AVEN: variants seen among roughly 807,000 people sequenced by gnomAD.
The protein encoded by AVEN is cell death regulator Aven.
Under a neutral mutation model 38.1 loss-of-function variants are expected in AVEN, and 41 were observed. The observed-to-expected ratio is 1.08, with a 90% CI of 0.84 to 1.40. AVEN has a LOEUF of 1.40. AVEN is among the 40% of genes most tolerant of loss of function. The pLI, the probability that AVEN is intolerant of heterozygous loss-of-function variation, is 0.00. For synonymous variants in AVEN, 206 were observed against 171.8 expected, an observed-to-expected ratio of 1.20 and a Z score of -1.56; for missense variants, 605 against 438.8, an observed-to-expected ratio of 1.38 and a Z score of -3.38.
intron 2 of AVEN, among the ~76,000 whole-genome samples, chr15:33,893,184 T>C (rs526148): frequency 0.82 from 124,676 of 152,138 alleles, 55,185 homozygotes; most frequent in Non-Finnish European, 0.98. Context: ...ATTTGACTTC[T>C]TCTTTTCCTA....
chr15:33,944,669 C>T (rs1416226102), intron 2 of AVEN, among the ~76,000 whole-genome samples: 6 of 151,932 alleles, frequency 3.9e-5, no homozygotes, highest in Non-Finnish European at 8.8e-5. Flanking sequence ...ATTAGCCGGG[C>T]GTGGTGGCCG....
chr15:33,863,523 A>C (rs972634902), downstream of AVEN, among the ~76,000 whole-genome samples: 2 of 152,284 alleles, frequency 1.3e-5, no homozygotes, highest in Non-Finnish European at 2.9e-5. Flanking sequence ...GGTCTCTGAG[A>C]TCATATAATG....
chr15:33,881,278 G>T (rs1027756339), intron 2 of AVEN, among the ~76,000 whole-genome samples: 14 of 152,134 alleles, frequency 9.2e-5, no homozygotes, highest in Middle Eastern at 3.4e-3. Context: ...TAGAGATGGG[G>T]TATTGCTATA....
chr15:33,864,527 G>C (rs929456144), downstream of AVEN, among the ~76,000 whole-genome samples: 6 of 152,196 alleles, frequency 3.9e-5, no homozygotes, highest in Non-Finnish European at 7.3e-5. Flanking sequence ...GAGTACAACG[G>C]AGTGAGAGAC....
chr15:33,874,644 T>C (rs1891145248), intron 3 of AVEN, among the ~76,000 whole-genome samples: 1 of 152,244 alleles, frequency 6.6e-6, no homozygotes, highest in Admixed American at 6.5e-5. Context: ...GCATCTACCA[T>C]ACTACAGACT....
chr15:33,889,268 C>A (rs1190030282), intron 2 of AVEN, among the ~76,000 whole-genome samples: 1 of 152,132 alleles, frequency 6.6e-6, no homozygotes, highest in Non-Finnish European at 1.5e-5. Context: ...AACTCTAAAA[C>A]CACATTATTC....
At chr15:33,852,817 C>A in the AVEN span, 1 of 446,714 alleles carries the variant, frequency 2.2e-6, no homozygotes, top group South Asian at 2.9e-5. Flanking sequence ...GCAGAAACTG[C>A]CCAGTGGCCT....
intron 2 of AVEN, among the ~76,000 whole-genome samples, chr15:33,945,359 T>C (rs1866367038): frequency 6.6e-6 from 1 of 152,230 alleles, no homozygotes; most frequent in Non-Finnish European, 1.5e-5. Flanking sequence ...GAGGCCTTCA[T>C]CATTTCTGGA....
At chr15:33,996,252 G>A (rs1182522058) in intron 2 of AVEN, among the ~76,000 whole-genome samples, 1 of 152,196 alleles carries the variant, frequency 6.6e-6, no homozygotes, top group Non-Finnish European at 1.5e-5. Context: ...CTGGGGGCAG[G>A]GCATAGCTGG....
At chr15:33,911,247 C>A (rs1361030903) in intron 2 of AVEN, among the ~76,000 whole-genome samples, 2 of 152,200 alleles carry the variant, frequency 1.3e-5, no homozygotes, top group Non-Finnish European at 2.9e-5. Flanking sequence ...ACTTGTTCTA[C>A]TGACCAGATA....
the AVEN span, chr15:33,851,859 GA>G: frequency 6.6e-6 from 1 of 151,950 alleles, no homozygotes; most frequent in African/African-American, 2.4e-5. Flanking sequence ...AAAAATCAAG[GA>G]GCAATGTACA....
intron 11 of AVEN, among the ~76,000 whole-genome samples, chr15:33,860,137 A>T (rs1212907549): frequency 1.3e-5 from 2 of 152,128 alleles, no homozygotes; most frequent in Non-Finnish European, 2.9e-5. Flanking sequence ...CAGCTTGTCA[A>T]GATTGGAGAA....
intron 2 of AVEN, among the ~76,000 whole-genome samples, chr15:33,912,480 T>C (rs1892952682): frequency 6.6e-6 from 1 of 152,194 alleles, no homozygotes. Flanking sequence ...CCTCATAAAG[T>C]TACTACCTAT....
chr15:34,060,668 G>A (rs1900303906), intron 5 of AVEN, among the ~76,000 whole-genome samples: 3 of 152,218 alleles, frequency 2.0e-5, no homozygotes, highest in Non-Finnish European at 2.9e-5. Context: ...CTGGGGTCAG[G>A]AGTTCGAGAC....
intron 1 of AVEN, among the ~76,000 whole-genome samples, chr15:34,027,096 C>T (rs1352026168): frequency 1.3e-5 from 2 of 152,208 alleles, no homozygotes; most frequent in African/African-American, 4.8e-5. Flanking sequence ...TCAACATATA[C>T]TCTTTCAAAA....
chr15:33,865,188 G>C (rs192638000), downstream of AVEN: 1 of 1,613,830 alleles, frequency 6.2e-7, no homozygotes, highest in African/African-American at 1.3e-5. Flanking sequence ...CCCAGCCGGT[G>C]ACTGCTTTCG....
intron 2 of AVEN, among the ~76,000 whole-genome samples, chr15:34,069,206 T>A (rs182731124): frequency 1.8e-4 from 27 of 152,058 alleles, no homozygotes; most frequent in Non-Finnish European, 7.4e-5. Flanking sequence ...TGAATCACGA[T>A]GTCAGGAGTT....
At chr15:34,070,079 T>A (rs2140856227) in intron 2 of AVEN, among the ~76,000 whole-genome samples, 1 of 152,270 alleles carries the variant, frequency 6.6e-6, no homozygotes, top group Admixed American at 6.5e-5. Flanking sequence ...TCAGGAAACT[T>A]ACAATCATGA....
intron 2 of AVEN, chr15:33,990,871 C>A (rs62016997): frequency 7.2e-5 from 11 of 152,182 alleles, no homozygotes; most frequent in Admixed American, 1.3e-4. Flanking sequence ...AATTACCTAA[C>A]AACAGATTTT....
Sources: allele counts gnomAD v4.1 joint callset (sites outside exome capture counted in the v4.1 genomes callset), GRCh38; gene constraint gnomAD v4.1.1; transcripts MANE v1.5; gene names NCBI Gene and HGNC (gene_info 2026-07-23, HGNC 2026-07-21).